CTNNA3: variants seen among roughly 807,000 people sequenced by gnomAD.
CTNNA3 encodes the protein catenin alpha 3, also known as catenin alpha-3.
A neutral mutation model predicts 95.7 loss-of-function variants in CTNNA3; 76 were observed. That is an observed-to-expected ratio of 0.79 (90% CI 0.66 to 0.96). The LOEUF (loss-of-function observed/expected upper bound fraction) is 0.96, where lower values mean the gene tolerates loss of function less well. Ranked by LOEUF, CTNNA3 falls within the 40% of genes least tolerant of loss-of-function variation. The pLI is 0.00. For missense variants in CTNNA3, 1,191 were observed against 1,089.8 expected, an observed-to-expected ratio of 1.09 and a Z score of -1.31; for synonymous variants, 431 against 374.4, an observed-to-expected ratio of 1.15 and a Z score of -1.74.
intron 1 of CTNNA3, among the ~76,000 whole-genome samples, chr10:67,663,631 C>A (rs1840255247): frequency 6.6e-6 from 1 of 152,140 alleles, no homozygotes; most frequent in African/African-American, 2.4e-5. Flanking sequence ...CACCAGCTTC[C>A]CATCGCGGGT....
In CTNNA3 at chr10:66,028,235, C is replaced by A. The variant is rs933008994; in HGVS notation, c.2160-39438G>T. On this transcript the variant is annotated intron_variant, in intron 15 of 17. Transcript: ENST00000433211. ...TAGAAATACCATTTGACCCAGCCATCCCCATTACTGGGTATATACCCAAAG... is the reference window on the plus strand; with the variant it reads ...TAGAAATACCATTTGACCCAGCCATACCCATTACTGGGTATATACCCAAAG... Among the ~76,000 whole-genome samples, 6 of 152,242 alleles carry A rather than the reference C, an allele frequency of 3.9e-5. No individual in the cohort carries two copies. The East Asian group carries it at 1.2e-3, about 29-fold the overall frequency.
At chr10:67,610,496 C>T (rs981264017) in intron 2 of CTNNA3, among the ~76,000 whole-genome samples, 1 of 152,068 alleles carries the variant, frequency 6.6e-6, no homozygotes, top group Non-Finnish European at 1.5e-5. Context: ...CTTGGCAATC[C>T]TGTGGAAAAA....
intron 1 of CTNNA3, among the ~76,000 whole-genome samples, chr10:67,668,929 C>T (rs1840381564): frequency 6.7e-6 from 1 of 149,828 alleles, no homozygotes; most frequent in Admixed American, 6.7e-5. Context: ...ACCTCCGCCT[C>T]CCCGGTTCAA....
At chr10:66,952,309 G>C (rs1037316206) in intron 7 of CTNNA3, among the ~76,000 whole-genome samples, 5 of 152,196 alleles carry the variant, frequency 3.3e-5, no homozygotes, top group Non-Finnish European at 4.4e-5. Context: ...AAAAGAGACA[G>C]ATGTCACTTT....
intron 10 of CTNNA3, among the ~76,000 whole-genome samples, chr10:66,531,803 A>C (rs941500389): frequency 7.2e-5 from 11 of 152,150 alleles, no homozygotes; most frequent in Admixed American, 5.9e-4. Flanking sequence ...TCTGATACCA[A>C]TAACACATAT....
intron 6 of CTNNA3, among the ~76,000 whole-genome samples, chr10:67,211,675 A>C (rs1864145582): frequency 6.6e-6 from 1 of 152,218 alleles, no homozygotes; most frequent in Admixed American, 6.5e-5. Context: ...GCAAAGACAG[A>C]TGCATAAACA....
chr10:66,942,588 ATG>A (rs148640505), intron 7 of CTNNA3, among the ~76,000 whole-genome samples: 24 of 146,652 alleles, frequency 1.6e-4, no homozygotes, highest in Admixed American at 5.4e-4. Flanking sequence ...GTGTGTGTGT[ATG>A]TGTGTGTGTG....
chr10:67,499,077 T>C (rs1329232793), intron 5 of CTNNA3, among the ~76,000 whole-genome samples: 2 of 152,226 alleles, frequency 1.3e-5, no homozygotes, highest in African/African-American at 4.8e-5. Context: ...GGGTTTGTCA[T>C]AAATAGCTCT....
intron 3 of CTNNA3, among the ~76,000 whole-genome samples, chr10:67,544,015 T>C (rs1840763348): frequency 1.3e-5 from 2 of 152,188 alleles, no homozygotes; most frequent in Admixed American, 1.3e-4. Context: ...ATGTTTTGTA[T>C]GATAAAAGAA....
chr10:66,548,131 G>A (rs748539427), intron 10 of CTNNA3, among the ~76,000 whole-genome samples: 8 of 151,988 alleles, frequency 5.3e-5, no homozygotes, highest in Non-Finnish European at 1.0e-4. Flanking sequence ...TGGTCAGGCT[G>A]GTCTCAAACT....
intron 7 of CTNNA3, among the ~76,000 whole-genome samples, chr10:66,872,727 C>T (rs972525391): frequency 4.6e-5 from 7 of 151,800 alleles, no homozygotes; most frequent in African/African-American, 9.7e-5. Flanking sequence ...AGGTGGTACA[C>T]GTGAAGGTTT....
At chr10:66,200,869 C>T (rs1564758555) in intron 13 of CTNNA3, among the ~76,000 whole-genome samples, 1 of 152,180 alleles carries the variant, frequency 6.6e-6, no homozygotes, top group African/African-American at 2.4e-5. Flanking sequence ...ATTTCACCTA[C>T]AAATAATGAT....
At chr10:66,165,254 A>T (rs2085065647) in intron 13 of CTNNA3, among the ~76,000 whole-genome samples, 1 of 152,160 alleles carries the variant, frequency 6.6e-6, no homozygotes, top group Non-Finnish European at 1.5e-5. Context: ...CCTATAGCTC[A>T]TATGCCATAT....
chr10:66,304,621 G>C (rs867030884), intron 12 of CTNNA3, among the ~76,000 whole-genome samples: 1 of 152,040 alleles, frequency 6.6e-6, no homozygotes, highest in African/African-American at 2.4e-5. Context: ...TGTGGAGAAA[G>C]CAAGTTGAAG....
In CTNNA3 at chr10:67,162,230, T is replaced by C. The variant is rs139343034; in HGVS notation, c.1047+18087A>G. Among the ~76,000 whole-genome samples the C allele has an allele frequency of 6.2e-3, 936 of 152,152 alleles. 9 individuals carry two copies. The highest frequency in any genetic ancestry group is 0.021 in the African/African-American group (893 of 41,564). ...TACCTAACAACATTATTTTTAAGTT[T>C]TTCAAGTTTTCAAATTTGTTTTAAA... is the stretch of plus-strand genomic sequence containing the variant. On this transcript the variant is annotated intron_variant, in intron 7 of 17. Coordinates refer to ENST00000433211, the MANE Select transcript of CTNNA3 (RefSeq NM_013266.4).
At chr10:66,577,565 C>A (rs1013257734) in intron 10 of CTNNA3, among the ~76,000 whole-genome samples, 1 of 152,014 alleles carries the variant, frequency 6.6e-6, no homozygotes, top group African/African-American at 2.4e-5. Context: ...GATCCCAGCA[C>A]CATTTATTGA....
At position 66,256,468 on chromosome 10, in the gene CTNNA3, C is replaced by A. The variant is rs543327240; in HGVS notation, c.1884+24002G>T. Among the ~76,000 whole-genome samples the A allele has an allele frequency of 2.0e-5, 3 of 151,998 alleles. No homozygotes were observed. The East Asian group carries it at 5.8e-4, about 29-fold the overall frequency. The stretch of plus-strand genomic sequence containing the variant: ...GGCGCGGTGGCTCATGCCTGTAATC[C>A]CAGCACTTTGGGAGGCCGAGGCGGG... On this transcript the variant is annotated intron_variant, in intron 13 of 17. Coordinates refer to ENST00000433211, the MANE Select transcript of CTNNA3 (RefSeq NM_013266.4).
intron 9 of CTNNA3, among the ~76,000 whole-genome samples, chr10:66,702,563 G>A (rs961320185): frequency 1.5e-4 from 23 of 151,630 alleles, no homozygotes; most frequent in Middle Eastern, 3.2e-3. Context: ...AAAATTAGCC[G>A]GGCATGGTGG....
intron 11 of CTNNA3, among the ~76,000 whole-genome samples, chr10:66,444,268 G>A (rs1479256892): frequency 6.6e-6 from 1 of 152,128 alleles, no homozygotes; most frequent in Non-Finnish European, 1.5e-5. Flanking sequence ...TTATCCAGGA[G>A]AACTTCCCCA....
Sources: allele counts gnomAD v4.1 joint callset (sites outside exome capture counted in the v4.1 genomes callset), GRCh38; gene constraint gnomAD v4.1.1; transcripts MANE v1.5; gene names NCBI Gene and HGNC (gene_info 2026-07-23, HGNC 2026-07-21).